Variants in IL1RAPL2 observed in about 807,000 individuals in gnomAD.
IL1RAPL2 encodes the protein X-linked interleukin-1 receptor accessory protein-like 2.
A neutral mutation model predicts 44.1 loss-of-function variants in IL1RAPL2; 3 were observed. The ratio of observed to expected loss-of-function variants is 0.07; its 90% CI spans 0.03 to 0.18. The LOEUF is 0.18. Among genes scored for constraint, IL1RAPL2 ranks in the 10% least tolerant of loss-of-function variants. The pLI, the probability that IL1RAPL2 is intolerant of heterozygous loss-of-function variation, is 1.00. For missense variants in IL1RAPL2, 391 were observed against 496.4 expected, an observed-to-expected ratio of 0.79 and a Z score of 2.02; for synonymous variants, 181 against 178.8, an observed-to-expected ratio of 1.01 and a Z score of -0.10.
At chrX:105,107,041 G>A in intron 2 of IL1RAPL2, among the ~76,000 whole-genome samples, 1 of 111,572 alleles carries the variant, frequency 9.0e-6, no homozygotes, top group Non-Finnish European at 1.9e-5. Flanking sequence ...TCCAACCACA[G>A]GCATTATTTG....
intron 5 of IL1RAPL2, among the ~76,000 whole-genome samples, chrX:105,439,469 A>G (rs2035904266): frequency 9.6e-6 from 1 of 104,618 alleles, no homozygotes; most frequent in Non-Finnish European, 2.0e-5. Flanking sequence ...TATTGGCTCA[A>G]TCAGAAGTGC....
At chrX:105,421,382 T>C (rs2035773294) in intron 5 of IL1RAPL2, among the ~76,000 whole-genome samples, 1 of 111,706 alleles carries the variant, frequency 9.0e-6, no homozygotes, top group South Asian at 3.8e-4. Flanking sequence ...AGTTTGACTT[T>C]TCCCTTTAGC....
chrX:105,312,495 T>G (rs1043629685), intron 5 of IL1RAPL2, among the ~76,000 whole-genome samples: 1 of 111,903 alleles, frequency 8.9e-6, no homozygotes, highest in African/African-American at 3.2e-5. Context: ...CAACTTGCTC[T>G]TTTTTCTTTT....
chrX:105,149,597 C>T (rs913361771), intron 2 of IL1RAPL2, among the ~76,000 whole-genome samples: 7 of 110,823 alleles, frequency 6.3e-5, no homozygotes, highest in Non-Finnish European at 9.4e-5. Flanking sequence ...TTTGGGAGGG[C>T]GAGGTGGGTG....
chrX:105,654,786 T>C lies in IL1RAPL2; in HGVS notation c.773-62581T>C, dbSNP rs764726445. ...TTTTAGAATAGTTTCCCTTCTTTGC[T>C]TTTCAGAACACACCACTATGGCTTT... On this transcript the variant is annotated intron_variant, in intron 6 of 10. Coordinates refer to ENST00000372582, the MANE Select transcript of IL1RAPL2 (RefSeq NM_017416.2). Among the ~76,000 whole-genome samples, 5 of 111,994 alleles carry C rather than the reference T, an allele frequency of 4.5e-5. No individual in the cohort carries two copies. In the East Asian group the frequency reaches 1.4e-3, roughly 32 times the overall value.
chrX:104,855,481 CA>C (rs1009180708), intron 2 of IL1RAPL2, among the ~76,000 whole-genome samples: 3 of 110,621 alleles, frequency 2.7e-5, no homozygotes, highest in African/African-American at 9.8e-5. Flanking sequence ...GTCAGTATAG[CA>C]AAGGTGAAGC....
chrX:105,437,887 C>A (rs2035892743), intron 5 of IL1RAPL2, among the ~76,000 whole-genome samples: 1 of 111,487 alleles, frequency 9.0e-6, no homozygotes. Flanking sequence ...TTGTTTTTAG[C>A]ATGACACTTA....
intron 2 of IL1RAPL2, among the ~76,000 whole-genome samples, chrX:104,906,961 T>A (rs1447605322): frequency 3.6e-5 from 4 of 111,741 alleles, no homozygotes; most frequent in East Asian, 5.6e-4. Flanking sequence ...AAGCTATTGA[T>A]TATTGCCACA....
rs1395195802 is a variant in IL1RAPL2, at chrX:104,607,653, C to G, written c.-20+40602C>G. On this transcript the variant is annotated intron_variant, in intron 1 of 10. Transcript: ENST00000372582. ...AAAAATGCTCATCATCACTGGTCAT[C>G]AGAGAAATGCAAATCAAAACCACAG... Among the ~76,000 whole-genome samples, 3 of 111,986 alleles carry G rather than the reference C, an allele frequency of 2.7e-5. No individual in the cohort carries two copies. In the Admixed American group the frequency reaches 2.8e-4, roughly 11 times the overall value.
chrX:105,154,992 G>T lies in IL1RAPL2; in HGVS notation c.83-40483G>T, dbSNP rs187483152. On this transcript the variant is annotated intron_variant, in intron 2 of 10. Coordinates refer to ENST00000372582, the MANE Select transcript of IL1RAPL2 (RefSeq NM_017416.2). ...AACTCATTTGTTATTCAACCTTCTT[G>T]TTCCTTTATCTTGTCAATCATCAAG... is the stretch of plus-strand genomic sequence containing the variant. Among the ~76,000 whole-genome samples, 8 of 111,680 alleles carry T rather than the reference G, an allele frequency of 7.2e-5. No individual in the cohort carries two copies. The East Asian group carries it at 2.0e-3, about 28-fold the overall frequency.
intron 6 of IL1RAPL2, among the ~76,000 whole-genome samples, chrX:105,682,865 T>C (rs911763575): frequency 2.1e-4 from 24 of 112,588 alleles, no homozygotes; most frequent in African/African-American, 7.4e-4. Context: ...TTATTTTATT[T>C]TTTTATATGC....
At chrX:105,172,208 C>G (rs1211684016) in intron 2 of IL1RAPL2, among the ~76,000 whole-genome samples, 1 of 112,464 alleles carries the variant, frequency 8.9e-6, no homozygotes, top group African/African-American at 3.2e-5. Flanking sequence ...TGTGGGGCCC[C>G]CTCAGGGGCC....
chrX:105,555,411 A>G (rs901523857), intron 6 of IL1RAPL2, among the ~76,000 whole-genome samples: 9 of 111,139 alleles, frequency 8.1e-5, no homozygotes, highest in Admixed American at 5.8e-4. Flanking sequence ...TGTGTTGTCT[A>G]TTGTTCAGTT....
chrX:104,673,667 G>C (rs1188131799), intron 2 of IL1RAPL2, among the ~76,000 whole-genome samples: 1 of 110,890 alleles, frequency 9.0e-6, no homozygotes, highest in Admixed American at 9.6e-5. Flanking sequence ...GGATGGTATT[G>C]AATCTGTAAA....
intron 6 of IL1RAPL2, among the ~76,000 whole-genome samples, chrX:105,506,701 A>T (rs1383771901): frequency 8.9e-6 from 1 of 111,762 alleles, no homozygotes; most frequent in Non-Finnish European, 1.9e-5. Flanking sequence ...ACAATACATC[A>T]CCATGGAAAA....
At chrX:105,210,994 C>T (rs782038040) in intron 3 of IL1RAPL2, among the ~76,000 whole-genome samples, 12 of 111,226 alleles carry the variant, frequency 1.1e-4, no homozygotes, top group Non-Finnish European at 1.7e-4. Flanking sequence ...TGCCACCCAC[C>T]TTTTGACCCC....
At chrX:105,062,200 A>AT (rs960522277) in intron 2 of IL1RAPL2, among the ~76,000 whole-genome samples, 11 of 110,669 alleles carry the variant, frequency 9.9e-5, no homozygotes, top group Non-Finnish European at 1.7e-4. Flanking sequence ...TCCACTGTAT[A>AT]TTTTTTTATT....
intron 5 of IL1RAPL2, among the ~76,000 whole-genome samples, chrX:105,443,084 T>G (rs887973097): frequency 2.7e-5 from 3 of 111,697 alleles, no homozygotes; most frequent in Non-Finnish European, 5.6e-5. Flanking sequence ...TCAAATCAAT[T>G]AATCAATAAA....
At chrX:105,427,580 C>T (rs1043330258) in intron 5 of IL1RAPL2, among the ~76,000 whole-genome samples, 7 of 112,185 alleles carry the variant, frequency 6.2e-5, no homozygotes, top group African/African-American at 2.3e-4. Context: ...CTCCTAGCAC[C>T]AATCCTTGTG....
Sources: gnomAD v4.1 joint callset for allele counts (sites outside exome capture counted in the v4.1 genomes callset) on GRCh38, gnomAD v4.1.1 for gene constraint, MANE v1.5 for transcripts, NCBI Gene and HGNC (gene_info 2026-07-23, HGNC 2026-07-21) for gene names.